C3orf33: variants seen among roughly 807,000 people sequenced by gnomAD.
C3orf33 encodes the protein AP-1 activity suppressor.
Under a neutral mutation model 28.7 loss-of-function variants are expected in C3orf33, and 23 were observed. The ratio of observed to expected loss-of-function variants is 0.80; its 90% confidence interval spans 0.58 to 1.13. The LOEUF (loss-of-function observed/expected upper bound fraction) is 1.13, where lower values mean the gene tolerates loss of function less well. Among genes scored for constraint, C3orf33 ranks in the 50% most tolerant of loss-of-function variants. The probability of loss-of-function intolerance (pLI) is 0.00; values close to 1 mark genes in which losing one functional copy is unlikely to be tolerated. For synonymous variants in C3orf33, 119 were observed against 120.5 expected (o/e 0.99, Z 0.08); for missense variants, 327 against 353.4 (o/e 0.93, Z 0.60).
chr3:155,788,384 A>G (rs1405016626), intron 2 of C3orf33, among the ~76,000 whole-genome samples: 2 of 151,912 alleles, frequency 1.3e-5, no homozygotes, highest in Non-Finnish European at 2.9e-5. Context: ...CTAAGGTCAC[A>G]TATGAAAAAA....
At chr3:155,766,287 A>T (rs1750400484) in intron 4 of C3orf33, among the ~76,000 whole-genome samples, 1 of 152,234 alleles carries the variant, frequency 6.6e-6, no homozygotes, top group Non-Finnish European at 1.5e-5. Flanking sequence ...AGGCACATGC[A>T]CATCCTGGGA....
chr3:155,773,353 C>T lies in C3orf33; in HGVS notation c.322+2348G>A, dbSNP rs572919991. The stretch of plus-strand genomic sequence containing the variant: ...ATTAGCACTATCATGACATTTGTAG[C>T]GGTTAATATCTGTTGAGAGGTATAA... On this transcript the variant is annotated intron_variant, in intron 3 of 4. Transcript: ENST00000340171. Among the ~76,000 whole-genome samples the T allele has an allele frequency of 8.5e-5, 13 of 152,226 alleles. No individual in the cohort carries two copies. In the South Asian group the frequency reaches 1.5e-3, roughly 17 times the overall value.
At chr3:155,782,202 G>A (rs57392477) in intron 2 of C3orf33, among the ~76,000 whole-genome samples, 1,945 of 150,826 alleles carry the variant, frequency 0.013, 43 homozygotes, top group African/African-American at 0.044. Flanking sequence ...TTGAGTCTGC[G>A]GAACAGAAAG....
chr3:155,770,995 GAGACATAGTTT>G (rs1559988884), intron 3 of C3orf33, among the ~76,000 whole-genome samples: 23 of 52,852 alleles, frequency 4.4e-4, no homozygotes, highest in South Asian at 3.0e-3. Flanking sequence ...TGTGTGTGTT[GAGACATAGTTT>G]TGCTCTGCCA....
At chr3:155,795,410 C>T (rs1225517280) in intron 2 of C3orf33, among the ~76,000 whole-genome samples, 6 of 151,862 alleles carry the variant, frequency 4.0e-5, no homozygotes, top group Non-Finnish European at 5.9e-5. Flanking sequence ...GAGCCGAGAG[C>T]GTGCCACTGC....
chr3:155,784,328 T>G (rs1014773243), intron 2 of C3orf33, among the ~76,000 whole-genome samples: 4 of 152,220 alleles, frequency 2.6e-5, no homozygotes, highest in African/African-American at 7.2e-5. Context: ...GAGTAGTTTT[T>G]GTATTTTATT....
chr3:155,765,773 C>T (rs1156369901), intron 4 of C3orf33, among the ~76,000 whole-genome samples: 2 of 152,170 alleles, frequency 1.3e-5, no homozygotes, highest in East Asian at 3.9e-4. Flanking sequence ...GTCTCAAACT[C>T]CTCACCTCAA....
chr3:155,778,085 G>A (rs1479014991), intron 2 of C3orf33, among the ~76,000 whole-genome samples: 3 of 143,182 alleles, frequency 2.1e-5, no homozygotes, highest in Non-Finnish European at 4.5e-5. Context: ...GGGAGGTGGA[G>A]GTTGCAGTGA....
At chr3:155,795,465 T>C (rs1751448878) in intron 2 of C3orf33, among the ~76,000 whole-genome samples, 1 of 151,444 alleles carries the variant, frequency 6.6e-6, no homozygotes, top group African/African-American at 2.4e-5. Context: ...CAAAAATAAA[T>C]AATTAAAAAT....
At chr3:155,772,325 G>A (rs1012378511) in intron 3 of C3orf33, among the ~76,000 whole-genome samples, 6 of 152,138 alleles carry the variant, frequency 3.9e-5, no homozygotes, top group Non-Finnish European at 7.4e-5. Flanking sequence ...AAAACCTACA[G>A]ACATGAGATG....
At chr3:155,783,961 C>T (rs111341692) in intron 2 of C3orf33, among the ~76,000 whole-genome samples, 3,886 of 146,010 alleles carry the variant, frequency 0.027, 189 homozygotes, top group African/African-American at 0.092. Flanking sequence ...GACAGAGTTT[C>T]GCTCTTGTTG....
At chr3:155,765,174 G>C (rs2109247992) in intron 4 of C3orf33, among the ~76,000 whole-genome samples, 1 of 152,286 alleles carries the variant, frequency 6.6e-6, no homozygotes, top group Non-Finnish European at 1.5e-5. Context: ...ATAAAGATAT[G>C]CTTATAAGAT....
intron 2 of C3orf33, among the ~76,000 whole-genome samples, chr3:155,797,742 T>G (rs778497322): frequency 2.0e-4 from 30 of 152,158 alleles, no homozygotes; most frequent in Non-Finnish European, 4.1e-4. Flanking sequence ...AGGAATTAAT[T>G]TACCCAAAGA....
intron 3 of C3orf33, among the ~76,000 whole-genome samples, chr3:155,768,010 G>T (rs1750467722): frequency 6.6e-6 from 1 of 152,090 alleles, no homozygotes; most frequent in South Asian, 2.1e-4. Flanking sequence ...CTCCTGAGTA[G>T]CTGGGATTAC....
intron 2 of C3orf33, among the ~76,000 whole-genome samples, chr3:155,797,310 C>T (rs1325259271): frequency 6.6e-6 from 1 of 152,156 alleles, no homozygotes; most frequent in Non-Finnish European, 1.5e-5. Flanking sequence ...TACGTCAACA[C>T]AATAAAAGCC....
intron 3 of C3orf33, among the ~76,000 whole-genome samples, chr3:155,772,259 G>A (rs574502207): frequency 5.5e-4 from 84 of 152,106 alleles, no homozygotes; most frequent in African/African-American, 2.0e-3. Flanking sequence ...AAACAGAGAA[G>A]CAGAAGGCAG....
chr3:155,767,284 TTTC>T (rs1483473201), intron 4 of C3orf33, among the ~76,000 whole-genome samples: 4 of 151,826 alleles, frequency 2.6e-5, no homozygotes, highest in South Asian at 2.1e-4. Context: ...ATTTGAAGTT[TTTC>T]TTTTTTCTTA....
At chr3:155,772,352 C>T (rs1310450425) in intron 3 of C3orf33, among the ~76,000 whole-genome samples, 2 of 152,058 alleles carry the variant, frequency 1.3e-5, no homozygotes, top group Non-Finnish European at 2.9e-5. Flanking sequence ...GAAGCAAACC[C>T]CAACTAGGGA....
At chr3:155,800,111 T>C (rs975257812) in intron 2 of C3orf33, among the ~76,000 whole-genome samples, 1 of 152,112 alleles carries the variant, frequency 6.6e-6, no homozygotes, top group Admixed American at 6.6e-5. Flanking sequence ...ATGCTTGAGG[T>C]GATGAATACC....
Sources: allele counts gnomAD v4.1 joint callset (sites outside exome capture counted in the v4.1 genomes callset), GRCh38; gene constraint gnomAD v4.1.1; transcripts MANE v1.5; gene names NCBI Gene and HGNC (gene_info 2026-07-23, HGNC 2026-07-21).